PRKG2: variants seen among roughly 807,000 people sequenced by gnomAD.
The protein encoded by PRKG2 is cGMP-dependent protein kinase 2.
Under a neutral mutation model 97.2 loss-of-function variants are expected in PRKG2, and 33 were observed. The observed-to-expected ratio is 0.34, with a 90% CI of 0.26 to 0.45. PRKG2 has a LOEUF of 0.45. Ranked by LOEUF, PRKG2 falls within the 20% of genes least tolerant of loss-of-function variation. The pLI is 1.00. For synonymous variants in PRKG2, 330 were observed against 321.8 expected, an observed-to-expected ratio of 1.03 and a Z score of -0.27; for missense variants, 638 against 900.0, an observed-to-expected ratio of 0.71 and a Z score of 3.73.
At chr4:81,196,572 G>A (rs1475192732) in intron 2 of PRKG2, among the ~76,000 whole-genome samples, 5 of 152,048 alleles carry the variant, frequency 3.3e-5, no homozygotes, top group Non-Finnish European at 5.9e-5. Flanking sequence ...ATTTCCCAGA[G>A]CTTAATCTGT....
intron 1 of PRKG2, among the ~76,000 whole-genome samples, chr4:81,214,474 G>A (rs573683663): frequency 1.3e-5 from 2 of 150,942 alleles, no homozygotes; most frequent in African/African-American, 4.9e-5. Flanking sequence ...GTGACAAAAG[G>A]ACACCCACAC....
At chr4:81,190,390 T>A (rs913029517) in intron 2 of PRKG2, among the ~76,000 whole-genome samples, 1 of 152,216 alleles carries the variant, frequency 6.6e-6, no homozygotes, top group Non-Finnish European at 1.5e-5. Flanking sequence ...GCTAGCCATA[T>A]GCAGAAAACT....
At chr4:81,196,763 A>AAAAG (rs919112721) in intron 2 of PRKG2, among the ~76,000 whole-genome samples, 5 of 151,778 alleles carry the variant, frequency 3.3e-5, no homozygotes, top group African/African-American at 4.8e-5. Context: ...TAGATCTCAA[A>AAAAG]AAAGAAAGAA....
intron 2 of PRKG2, among the ~76,000 whole-genome samples, chr4:81,183,379 G>C (rs1002247017): frequency 6.6e-6 from 1 of 152,188 alleles, no homozygotes; most frequent in South Asian, 2.1e-4. Flanking sequence ...CACCCAGAAG[G>C]ACAAGGGGTC....
chr4:81,176,255 A>G (rs1223623076), intron 2 of PRKG2, among the ~76,000 whole-genome samples: 3 of 152,040 alleles, frequency 2.0e-5, no homozygotes, highest in Admixed American at 6.5e-5. Context: ...TATCCATTTT[A>G]TTTCCCATTT....
rs187084983 is a variant in PRKG2, at chr4:81,148,990, T to C, written c.1086-38A>G. 2.1e-4 allele frequency: 337 copies of C among 1,587,046 alleles called. 4 individuals are homozygous for C. In the East Asian group the frequency reaches 7.1e-3, roughly 33 times the overall value. Reference sequence around the variant, plus strand: ...ATAGGAAAGTCAATTTTCACTATAATTAGAAATTAAACATCCACTTTTATT... The same window carrying C: ...ATAGGAAAGTCAATTTTCACTATAACTAGAAATTAAACATCCACTTTTATT... On this transcript the variant is annotated intron_variant, in intron 8 of 18. Coordinates refer to ENST00000264399, the MANE Select transcript of PRKG2 (RefSeq NM_006259.3).
At position 81,088,324 on chromosome 4, in the gene PRKG2, A is replaced by T. The variant is rs1741266120; in HGVS notation, c.*1384T>A. On this transcript the variant is annotated 3_prime_UTR_variant, in exon 19 of 19. Coordinates refer to ENST00000264399, the MANE Select transcript of PRKG2 (RefSeq NM_006259.3). ...GGACTGGGTAGAGGTTCCTTTTGAC[A>T]TAGAACATTAACATATGAAAATATA... 6.6e-6 allele frequency: 1 copy of T among 152,160 alleles called. No homozygotes were observed. The highest frequency in any genetic ancestry group is 1.5e-5 in the Non-Finnish European group (1 of 68,010). The allele number at this position is 152,160 out of a possible 1,614,324, so 9.4% of individuals were successfully genotyped here.
intron 6 of PRKG2, among the ~76,000 whole-genome samples, chr4:81,156,175 C>A (rs1250935665): frequency 6.6e-6 from 1 of 152,116 alleles, no homozygotes; most frequent in African/African-American, 2.4e-5. Context: ...GTGCTGTATT[C>A]AGGAAACCCA....
chr4:81,175,062 A>T, intron 2 of PRKG2, 103 bp from the exon 3 acceptor site: 27 of 1,147,030 alleles, frequency 2.4e-5, no homozygotes, highest in Non-Finnish European at 3.2e-5. Flanking sequence ...CTACAAACTT[A>T]TAACTTTCTA....
In PRKG2 at chr4:81,110,727, G is replaced by GCACA. The variant is rs145649671; in HGVS notation, c.1777-120_1777-117dup. On this transcript the variant is annotated intron_variant, in intron 14 of 18. Transcript: ENST00000264399. ...CACCCCACCCTTCTTTTTATACCAT[G>GCACA]CACACACACACACACACACACAAAG... 422 of 741,474 alleles carry GCACA rather than the reference G, an allele frequency of 5.7e-4. 1 individual carries two copies. Among genetic ancestry groups the GCACA allele is most frequent in the African/African-American group, 4.4e-3 (218 of 49,224 alleles). 45.9% of individuals were successfully genotyped at this position (741,474 alleles called of 1,614,324 possible). A position where few individuals can be genotyped will look rare whatever the true frequency, so the allele number is the denominator to read the frequency against.
At chr4:81,180,797 T>A (rs950737672) in intron 2 of PRKG2, among the ~76,000 whole-genome samples, 1 of 111,756 alleles carries the variant, frequency 8.9e-6, no homozygotes, top group Non-Finnish European at 1.6e-5. Flanking sequence ...ATTTTAAATA[T>A]CTCTTCAATA....
intron 14 of PRKG2, among the ~76,000 whole-genome samples, chr4:81,115,349 T>A (rs60556640): frequency 6.6e-6 from 1 of 152,302 alleles, no homozygotes; most frequent in East Asian, 1.9e-4. Context: ...CACTAATAGT[T>A]TGAGTTATAG....
intron 2 of PRKG2, among the ~76,000 whole-genome samples, chr4:81,203,945 C>T (rs1259401164): frequency 6.6e-6 from 1 of 152,166 alleles, no homozygotes; most frequent in Non-Finnish European, 1.5e-5. Context: ...CCTCCTTTCC[C>T]TTCACTCCAG....
intron 15 of PRKG2, 43 bp downstream of exon 15, chr4:81,110,405 A>T (rs947820490): frequency 1.3e-6 from 2 of 1,567,330 alleles, no homozygotes; most frequent in African/African-American, 1.4e-5. Flanking sequence ...TTATTTTTGC[A>T]TTTCTCTGAA....
In PRKG2 at chr4:81,201,165, T is replaced by C. The variant is rs148854071; in HGVS notation, c.461+3422A>G. ...ATTAGAACTGCAGTATTCAGTAGAG[T>C]AGGCAATAGACATGTGACTATTCAA... is the stretch of plus-strand genomic sequence containing the variant. On this transcript the variant is annotated intron_variant, in intron 2 of 18. Coordinates refer to ENST00000264399, the MANE Select transcript of PRKG2 (RefSeq NM_006259.3). 4.5e-4 allele frequency among the ~76,000 whole-genome samples: 68 copies of C among 152,268 alleles called. 1 individual carries two copies. Among genetic ancestry groups the C allele is most frequent in the African/African-American group, 1.3e-3 (56 of 41,554 alleles).
intron 14 of PRKG2, among the ~76,000 whole-genome samples, chr4:81,126,686 C>T (rs929405852): frequency 2.6e-5 from 4 of 152,056 alleles, no homozygotes; most frequent in South Asian, 2.1e-4. Flanking sequence ...TTTTGAGAAG[C>T]GTCTGTTCCT....
chr4:81,182,249 C>CATTA (rs60732148), intron 2 of PRKG2, among the ~76,000 whole-genome samples: 36,068 of 151,398 alleles, frequency 0.24, 8,330 homozygotes, highest in African/African-American at 0.59. Context: ...TTAGATTGAA[C>CATTA]ATTAACATAA....
rs1749807887 is a variant in PRKG2 at position 81,164,337 on chromosome 4, C to T, written c.912+2824G>A. Among the ~76,000 whole-genome samples the T allele has an allele frequency of 2.6e-5, 4 of 152,068 alleles. 1 individual carries two copies. Among genetic ancestry groups the T allele is most frequent in the Admixed American group, 2.0e-4 (3 of 15,250 alleles). ...AATCTCCAGACTTTGGACTAGTGAA[C>T]TTTGTACAACACCTGGCTGCCCCAC... On this transcript the variant is annotated intron_variant, in intron 6 of 18. Coordinates refer to ENST00000264399, the MANE Select transcript of PRKG2 (RefSeq NM_006259.3).
intron 17 of PRKG2, among the ~76,000 whole-genome samples, chr4:81,093,439 C>T (rs1440330921): frequency 6.6e-6 from 1 of 150,842 alleles, no homozygotes; most frequent in South Asian, 2.1e-4. Context: ...TTTATCTTAC[C>T]CCCTTAGCAT....
Sources: gnomAD v4.1 joint callset for allele counts (sites outside exome capture counted in the v4.1 genomes callset) on GRCh38, gnomAD v4.1.1 for gene constraint, MANE v1.5 for transcripts, NCBI Gene and HGNC (gene_info 2026-07-23, HGNC 2026-07-21) for gene names.